SPATA6: variants seen among roughly 807,000 people sequenced by gnomAD.
SPATA6 encodes spermatogenesis-associated protein 6.
Under a neutral mutation model 65.3 loss-of-function variants are expected in SPATA6, and 56 were observed. The observed-to-expected ratio is 0.86, with a 90% confidence interval of 0.69 to 1.07. SPATA6 has a LOEUF of 1.07. Ranked by LOEUF, SPATA6 falls within the 50% of genes least tolerant of loss-of-function variation. SPATA6 has a pLI of 0.00. For synonymous variants in SPATA6, 199 were observed against 213.2 expected, an observed-to-expected ratio of 0.93 and a Z score of 0.58; for missense variants, 590 against 594.8, an observed-to-expected ratio of 0.99 and a Z score of 0.08.
At chr1:48,365,183 G>C (rs1470664455) in intron 9 of SPATA6, among the ~76,000 whole-genome samples, 1 of 152,174 alleles carries the variant, frequency 6.6e-6, no homozygotes, top group Non-Finnish European at 1.5e-5. Flanking sequence ...ACAGTACCAT[G>C]CTGTTTTGGT....
At chr1:48,433,409 T>A (rs1427057041) in intron 3 of SPATA6, among the ~76,000 whole-genome samples, 1 of 152,152 alleles carries the variant, frequency 6.6e-6, no homozygotes, top group Non-Finnish European at 1.5e-5. Context: ...GTAAACTACA[T>A]CTACTGGAAC....
At chr1:48,381,809 CA>C (rs1648654984) in intron 9 of SPATA6, among the ~76,000 whole-genome samples, 3 of 145,856 alleles carry the variant, frequency 2.1e-5, no homozygotes, top group Admixed American at 2.0e-4. Flanking sequence ...AACAAGTGAA[CA>C]AAGGTCTCTG....
chr1:48,279,982 C>T, the SPATA6 span, among the ~76,000 whole-genome samples: 1 of 152,234 alleles, frequency 6.6e-6, no homozygotes, highest in Non-Finnish European at 1.5e-5. Context: ...AACAAACTGT[C>T]TCTCAGACCA....
At chr1:48,284,938 T>TTGAGGAGG in the SPATA6 span, among the ~76,000 whole-genome samples, 2 of 152,188 alleles carry the variant, frequency 1.3e-5, no homozygotes, top group Admixed American at 6.5e-5. Context: ...AGTCTGACCC[T>TTGAGGAGG]TAGCAGAGCT....
chr1:48,285,012 G>A, the SPATA6 span, among the ~76,000 whole-genome samples: 1 of 152,208 alleles, frequency 6.6e-6, no homozygotes, highest in Non-Finnish European at 1.5e-5. Context: ...GTTTAAGTCT[G>A]CTGAAGCTGC....
intron 3 of SPATA6, among the ~76,000 whole-genome samples, chr1:48,442,013 G>A (rs931899555): frequency 1.3e-5 from 2 of 152,170 alleles, no homozygotes; most frequent in Non-Finnish European, 2.9e-5. Flanking sequence ...AACCAATCGA[G>A]CATGACTGCC....
At chr1:48,459,530 T>C (rs946967506) in intron 1 of SPATA6, among the ~76,000 whole-genome samples, 2 of 152,138 alleles carry the variant, frequency 1.3e-5, no homozygotes, top group Non-Finnish European at 1.5e-5. Context: ...TACTTCCCTT[T>C]CAATAACTAA....
In SPATA6 at chr1:48,471,984, A is replaced by T; in HGVS notation, c.25T>A (p.Cys9Ser). MPKVKALQ[C>S]ALALEISSVT... ...GAGCTGATCTCCAGCGCCAGGGCGC[A>T]CTGCAGCGCCTTCACCTTCGGCATC... Residue 9 changes from cysteine (C) to serine (S), a missense_variant, in exon 1 of 13, where the codon TGC becomes AGC. By Grantham distance (112) the Cys-to-Ser change is moderately radical (BLOSUM62 -1). Coordinates refer to ENST00000371847, the MANE Select transcript of SPATA6 (RefSeq NM_019073.4). 6.3e-7 allele frequency: 1 copy of T among 1,594,904 alleles called. No homozygotes were observed. Among genetic ancestry groups the T allele is most frequent in the Admixed American group, 1.7e-5 (1 of 58,272 alleles).
At chr1:48,415,966 G>T (rs1027559397) in intron 3 of SPATA6, among the ~76,000 whole-genome samples, 3 of 152,160 alleles carry the variant, frequency 2.0e-5, no homozygotes, top group Non-Finnish European at 2.9e-5. Flanking sequence ...ACTTTTCAAG[G>T]CTGAGGAGCG....
At chr1:48,418,712 A>T (rs1331654467) in intron 3 of SPATA6, among the ~76,000 whole-genome samples, 2 of 150,928 alleles carry the variant, frequency 1.3e-5, no homozygotes, top group Non-Finnish European at 3.0e-5. Flanking sequence ...ACAAAACAAG[A>T]CCCAGAAAAA....
chr1:48,315,465 A>T (rs1053644834), intron 11 of SPATA6, among the ~76,000 whole-genome samples: 11 of 152,254 alleles, frequency 7.2e-5, no homozygotes, highest in Non-Finnish European at 1.6e-4. Flanking sequence ...ATAGATGCAA[A>T]AAAGGCCTGT....
chr1:48,419,549 G>C (rs1396081127), intron 3 of SPATA6, among the ~76,000 whole-genome samples: 1 of 152,074 alleles, frequency 6.6e-6, no homozygotes, highest in Non-Finnish European at 1.5e-5. Context: ...TCCTAGAGAT[G>C]GCATGAGGAG....
chr1:48,434,259 G>GAAAAAAA (rs530291772), intron 3 of SPATA6, among the ~76,000 whole-genome samples: 21 of 109,620 alleles, frequency 1.9e-4, no homozygotes, highest in Non-Finnish European at 2.7e-4. Flanking sequence ...AGCAGTGAAA[G>GAAAAAAA]AAAAAAAAAA....
intron 7 of SPATA6, among the ~76,000 whole-genome samples, chr1:48,396,094 T>G (rs766296259): frequency 6.6e-6 from 1 of 151,386 alleles, no homozygotes; most frequent in African/African-American, 2.4e-5. Context: ...AATAAGAACA[T>G]GAAAAGAAAA....
At chr1:48,362,098 TGTTCAGAGACACAGAATA>T (rs1214664126) in intron 9 of SPATA6, among the ~76,000 whole-genome samples, 1 of 152,072 alleles carries the variant, frequency 6.6e-6, no homozygotes, top group Non-Finnish European at 1.5e-5. Context: ...TAAGTGCATA[TGTTCAGAGACACAGAATA>T]GGTAGCTCAC....
At chr1:48,364,640 G>A (rs1646935448) in intron 9 of SPATA6, among the ~76,000 whole-genome samples, 1 of 152,134 alleles carries the variant, frequency 6.6e-6, no homozygotes, top group Non-Finnish European at 1.5e-5. Flanking sequence ...CCAACTTTTT[G>A]ATGGGGTTGT....
At chr1:48,470,502 G>A (rs1174356598) in intron 1 of SPATA6, among the ~76,000 whole-genome samples, 1 of 152,162 alleles carries the variant, frequency 6.6e-6, no homozygotes, top group Non-Finnish European at 1.5e-5. Flanking sequence ...CAAAGCTAGG[G>A]CTATGGAGTT....
chr1:48,388,134 A>T (rs1187144508), intron 8 of SPATA6, among the ~76,000 whole-genome samples: 1 of 152,112 alleles, frequency 6.6e-6, no homozygotes, highest in East Asian at 1.9e-4. Context: ...CAAAGACTAG[A>T]CTACCTAGTG....
intron 11 of SPATA6, among the ~76,000 whole-genome samples, chr1:48,344,041 A>C (rs1301136074): frequency 6.6e-6 from 1 of 152,146 alleles, no homozygotes; most frequent in African/African-American, 2.4e-5. Flanking sequence ...GTAGGAATGT[A>C]AGAAAGGAAC....
Sources: allele counts gnomAD v4.1 joint callset (sites outside exome capture counted in the v4.1 genomes callset), GRCh38; gene constraint gnomAD v4.1.1; transcripts MANE v1.5; gene names NCBI Gene and HGNC (gene_info 2026-07-23, HGNC 2026-07-21).